TAB2: variants seen among roughly 807,000 people sequenced by gnomAD.
TAB2 encodes the protein TGF-beta-activated kinase 1 and MAP3K7-binding protein 2.
Under a neutral mutation model 65.0 loss-of-function variants are expected in TAB2, and 3 were observed. That is an observed-to-expected ratio of 0.05 (90% CI 0.02 to 0.12). The LOEUF (loss-of-function observed/expected upper bound fraction) is 0.12. Ranked by LOEUF, TAB2 falls within the 10% of genes least tolerant of loss-of-function variation. The pLI is 1.00. For missense variants in TAB2, 623 were observed against 840.3 expected, an observed-to-expected ratio of 0.74 and a Z score of 3.20; for synonymous variants, 298 against 285.1, an observed-to-expected ratio of 1.05 and a Z score of -0.46.
rs568388023 is a variant in TAB2 at position 149,352,872 on chromosome 6, A to T, written c.-89-17037A>T. Among the ~76,000 whole-genome samples the T allele has an allele frequency of 3.9e-4, 60 of 152,352 alleles. No individual in the cohort carries two copies. In the South Asian group the frequency reaches 0.012, roughly 31 times the overall value. On this transcript the variant is annotated intron_variant, in intron 1 of 6. Transcript: ENST00000637181. ...TCAGGTGGTCCACAGACCAAACTAA[A>T]AAATGCTGATTTAGGAAACACACCC...
chr6:149,313,361 G>A (rs1467068747), upstream of TAB2, among the ~76,000 whole-genome samples: 1 of 151,880 alleles, frequency 6.6e-6, no homozygotes, highest in Non-Finnish European at 1.5e-5. Context: ...TCCATCTGTT[G>A]CCCCTGATTT....
chr6:149,312,234 A>G (rs1779177886), intron 1 of TAB2, among the ~76,000 whole-genome samples: 1 of 152,266 alleles, frequency 6.6e-6, no homozygotes, highest in African/African-American at 2.4e-5. Context: ...CATTTTGTGC[A>G]CATAAGAGCA....
intron 1 of TAB2, among the ~76,000 whole-genome samples, chr6:149,349,660 T>C (rs1490898267): frequency 6.6e-6 from 1 of 152,172 alleles, no homozygotes; most frequent in African/African-American, 2.4e-5. Flanking sequence ...TTCAAATTGT[T>C]CTCTCATATC....
chr6:149,337,057 G>T (rs1231209569), intron 1 of TAB2, among the ~76,000 whole-genome samples: 1 of 151,934 alleles, frequency 6.6e-6, no homozygotes, highest in Non-Finnish European at 1.5e-5. Flanking sequence ...AATAGAAAAA[G>T]CACAGATATT....
chr6:149,375,814 A>C (rs2114874707), intron 2 of TAB2, among the ~76,000 whole-genome samples: 1 of 152,292 alleles, frequency 6.6e-6, no homozygotes, highest in Middle Eastern at 3.4e-3. Context: ...AGTATGTATC[A>C]ATTAAGAGTT....
chr6:149,244,536 A>G (rs971787983), intron 1 of TAB2: 13 of 152,386 alleles, frequency 8.5e-5, no homozygotes, highest in African/African-American at 3.1e-4. Flanking sequence ...AAATATGAGT[A>G]ATAATAAGAG....
chr6:149,243,296 T>C (rs766096448), intron 1 of TAB2: 1 of 152,234 alleles, frequency 6.6e-6, no homozygotes, highest in Non-Finnish European at 1.5e-5. Flanking sequence ...GACGTAAATG[T>C]TATTTTATTA....
intron 1 of TAB2, among the ~76,000 whole-genome samples, chr6:149,237,589 G>A (rs906487374): frequency 1.3e-5 from 2 of 152,178 alleles, no homozygotes; most frequent in African/African-American, 4.8e-5. Flanking sequence ...AACCTTCAAT[G>A]GCTTCCTAAG....
intron 1 of TAB2, among the ~76,000 whole-genome samples, chr6:149,233,821 C>T (rs964851772): frequency 4.6e-5 from 7 of 152,184 alleles, no homozygotes; most frequent in African/African-American, 1.7e-4. Flanking sequence ...CTGCACCAAC[C>T]TAATATATCC....
At chr6:149,307,992 C>A (rs1268987581) in intron 1 of TAB2, among the ~76,000 whole-genome samples, 2 of 152,210 alleles carry the variant, frequency 1.3e-5, no homozygotes, top group Admixed American at 1.3e-4. Context: ...GTCAAGAAAT[C>A]TACCTCCTTC....
Position 149,308,818 on chromosome 6 carries a change from G to A in TAB2, c.-120-69200G>A, listed in dbSNP as rs573811302. 3.7e-4 allele frequency among the ~76,000 whole-genome samples: 57 copies of A among 152,212 alleles called. 1 individual carries two copies. In the East Asian group the frequency reaches 5.0e-3, roughly 13 times the overall value. ...TAGGATTACAGGGGTGAGCCACCAC[G>A]TCCGGCCGATATTTTCTTTTTAAAA... On this transcript the variant is annotated intron_variant, in intron 1 of 1. Transcript: ENST00000606202.
At chr6:149,316,789 T>C (rs1378430164), upstream of TAB2, among the ~76,000 whole-genome samples, 1 of 151,960 alleles carries the variant, frequency 6.6e-6, no homozygotes, top group Admixed American at 6.6e-5. Flanking sequence ...CTCGCAGCAT[T>C]TAGATTTCTT....
rs557332720 is a variant in TAB2, at chr6:149,398,016, T to A, written c.1812T>A (p.Ile604=). The A allele has an allele frequency of 6.2e-7, 1 of 1,613,908 alleles. No individual in the cohort carries two copies. The highest frequency in any genetic ancestry group is 1.7e-5 in the Admixed American group (1 of 60,014). ...GAAGTTGTAATAGACAACTCCAGAT[T>A]GACATTGACTGCTTAACCAAAGAAA... ...QLRSCNRQLQ[I]DIDCLTKEID... Residue 604 remains isoleucine (I), a synonymous_variant, in exon 5 of 7, where the codon ATT becomes ATA. Transcript: ENST00000637181.
chr6:149,309,081 C>T (rs1779121227), intron 1 of TAB2, among the ~76,000 whole-genome samples: 2 of 151,970 alleles, frequency 1.3e-5, no homozygotes, highest in Non-Finnish European at 2.9e-5. Context: ...TTATTTTCCC[C>T]GTTTTCTGTG....
intron 1 of TAB2, among the ~76,000 whole-genome samples, chr6:149,282,071 C>T (rs938949657): frequency 5.3e-5 from 8 of 151,906 alleles, no homozygotes; most frequent in Admixed American, 6.6e-5. Context: ...GAGGCTGAGA[C>T]GGAAGAATTG....
chr6:149,362,217 G>A (rs1780874576), intron 1 of TAB2, among the ~76,000 whole-genome samples: 1 of 152,176 alleles, frequency 6.6e-6, no homozygotes, highest in Admixed American at 6.5e-5. Context: ...TTGCTGTAAA[G>A]ACATACCCAA....
chr6:149,251,394 T>C (rs1326950987), intron 1 of TAB2, among the ~76,000 whole-genome samples: 1 of 152,188 alleles, frequency 6.6e-6, no homozygotes, highest in Non-Finnish European at 1.5e-5. Flanking sequence ...GGCCTGTGAC[T>C]CCCACTGGGA....
chr6:149,227,836 G>A (rs1409491890), intron 1 of TAB2, among the ~76,000 whole-genome samples: 2 of 152,132 alleles, frequency 1.3e-5, no homozygotes, highest in Admixed American at 6.5e-5. Flanking sequence ...CTGGGTGATG[G>A]GTTCGTGAAG....
At chr6:149,265,097 T>TA (rs1778233658) in intron 1 of TAB2, among the ~76,000 whole-genome samples, 1 of 110,700 alleles carries the variant, frequency 9.0e-6, no homozygotes, top group African/African-American at 3.8e-5. Flanking sequence ...TCTATGAAAA[T>TA]GAAAAAAAAA....
Sources: allele counts gnomAD v4.1 joint callset (sites outside exome capture counted in the v4.1 genomes callset), GRCh38; gene constraint gnomAD v4.1.1; transcripts MANE v1.5; gene names NCBI Gene and HGNC (gene_info 2026-07-23, HGNC 2026-07-21).